The following SANBR variants were observed in gnomAD, a reference collection of about 807,000 sequenced individuals.
SANBR encodes SANT and BTB domain regulator of CSR, also known as SANT and BTB domain regulator of class switch recombination.
Under a neutral mutation model 101.8 loss-of-function variants are expected in SANBR, and 77 were observed. That is an observed-to-expected ratio of 0.76 (90% CI 0.63 to 0.91). The LOEUF (loss-of-function observed/expected upper bound fraction) is 0.91. SANBR is among the 40% of genes least tolerant of loss of function. The pLI, the probability that SANBR is intolerant of heterozygous loss-of-function variation, is 0.00. For synonymous variants in SANBR, 279 were observed against 274.7 expected (o/e 1.02, Z -0.15); for missense variants, 875 against 853.0 (o/e 1.03, Z -0.32).
At chr2:61,118,138 A>T (rs765976338) in intron 20 of SANBR, 22 bp downstream of exon 20, 1 of 1,509,600 alleles carries the variant, frequency 6.6e-7, no homozygotes. Context: ...GTACTAGTGT[A>T]TTGTACTTGT....
At chr2:61,075,368 C>A (rs1043731721) in intron 5 of SANBR, among the ~76,000 whole-genome samples, 13 of 152,102 alleles carry the variant, frequency 8.5e-5, no homozygotes, top group Non-Finnish European at 1.5e-4. Flanking sequence ...GGTGATCCTC[C>A]CACTTGAGCC....
intron 13 of SANBR, among the ~76,000 whole-genome samples, chr2:61,104,626 A>G (rs1375244457): frequency 6.6e-6 from 1 of 152,232 alleles, no homozygotes; most frequent in Non-Finnish European, 1.5e-5. Context: ...CAATCAATGC[A>G]TGATTGATAC....
Position 61,123,866 on chromosome 2 carries a change from C to T in SANBR, c.*1704C>T. 1 of 828,712 alleles carries T rather than the reference C, an allele frequency of 1.2e-6. No individual in the cohort carries two copies. The highest frequency in any genetic ancestry group is 1.8e-5 in the African/African-American group (1 of 54,124). The allele number at this position is 828,712 out of a possible 1,614,324, so 51.3% of individuals were successfully genotyped here. Reference sequence around the variant, plus strand: ...CAGCACTTTGGGAGGCCGAGGCGGGCAGATCACCTGAGGTCAGGAGTTTGA... The same window carrying T: ...CAGCACTTTGGGAGGCCGAGGCGGGTAGATCACCTGAGGTCAGGAGTTTGA... On this transcript the variant is annotated 3_prime_UTR_variant, in exon 22 of 22. Transcript: ENST00000402291.
chr2:61,087,780 G>A (rs2104890259), intron 8 of SANBR, among the ~76,000 whole-genome samples: 1 of 152,100 alleles, frequency 6.6e-6, no homozygotes, highest in South Asian at 2.1e-4. Context: ...GAACCCGGAA[G>A]GCAGAGGTTG....
At chr2:61,109,932 C>T (rs894349335) in intron 16 of SANBR, among the ~76,000 whole-genome samples, 5 of 151,890 alleles carry the variant, frequency 3.3e-5, no homozygotes, top group Non-Finnish European at 7.4e-5. Context: ...GGATTACAGG[C>T]GTGAGCCACT....
chr2:61,080,860 CAG>C (rs1163945681), intron 6 of SANBR, among the ~76,000 whole-genome samples: 7 of 152,130 alleles, frequency 4.6e-5, no homozygotes, highest in South Asian at 4.1e-4. Flanking sequence ...TGATGCAAAA[CAG>C]AGTTTTCTTT....
At chr2:61,137,532 T>C (rs147019126) in exon 22 of SANBR, 13 of 152,402 alleles carry the variant, frequency 8.5e-5, no homozygotes, top group Admixed American at 1.3e-4. Flanking sequence ...ATTAAGGTGA[T>C]TTCAGAGTTG....
At chr2:61,117,576 T>A in intron 19 of SANBR, 36 bp downstream of exon 19, 1 of 1,493,302 alleles carries the variant, frequency 6.7e-7, no homozygotes, top group Non-Finnish European at 9.3e-7. Flanking sequence ...ACAAATTGGA[T>A]GTAAATAGCA....
intron 20 of SANBR, among the ~76,000 whole-genome samples, chr2:61,132,646 T>C (rs1325764779): frequency 6.6e-6 from 1 of 152,192 alleles, no homozygotes; most frequent in Non-Finnish European, 1.5e-5. Context: ...AGTTACCATA[T>C]GACCCAGATA....
downstream of SANBR, among the ~76,000 whole-genome samples, chr2:61,128,760 C>T (rs1345335380): frequency 6.6e-6 from 1 of 152,122 alleles, no homozygotes; most frequent in Non-Finnish European, 1.5e-5. Context: ...CCCCAGAGTG[C>T]TGAGATTACT....
chr2:61,074,282 T>C (rs776611917), intron 5 of SANBR, among the ~76,000 whole-genome samples: 18 of 152,272 alleles, frequency 1.2e-4, no homozygotes, highest in Admixed American at 2.6e-4. Context: ...AGTGTGAATA[T>C]ACTTAATGCC....
rs888032245 is a variant in SANBR, at chr2:61,122,481, G to A, written c.*319G>A. On this transcript the variant is annotated 3_prime_UTR_variant, in exon 22 of 22. Coordinates refer to ENST00000402291, the MANE Select transcript of SANBR (RefSeq NM_001129993.3). ...GAAAAAGAAAGGCCTAAACTGTCAGGTAGCCAAGTTTTTTTAAGACCTTAA... is the reference window on the plus strand; with the variant it reads ...GAAAAAGAAAGGCCTAAACTGTCAGATAGCCAAGTTTTTTTAAGACCTTAA... The A allele has an allele frequency of 1.7e-5, 18 of 1,054,304 alleles. No individual in the cohort carries two copies. The highest frequency in any genetic ancestry group is 1.7e-5 in the Non-Finnish European group (15 of 875,644). The allele number at this position is 1,054,304 out of a possible 1,614,324, so 65.3% of individuals were successfully genotyped here. A position where few individuals can be genotyped will look rare whatever the true frequency, so the allele number is the denominator to read the frequency against.
chr2:61,066,322 C>T (rs1681156889), intron 1 of SANBR: 1 of 153,064 alleles, frequency 6.5e-6, no homozygotes, highest in South Asian at 2.1e-4. Context: ...GGGCCTCTGC[C>T]CCGCCTCGCT....
chr2:61,077,158 G>C lies in SANBR; in HGVS notation c.670G>C (p.Glu224Gln). 6.3e-7 allele frequency: 1 copy of C among 1,576,278 alleles called. No individual in the cohort carries two copies. Among genetic ancestry groups the C allele is most frequent in the Non-Finnish European group, 8.7e-7 (1 of 1,147,922 alleles). ...TAAAGATTGTGAGATGCCCACTTTA[G>C]GTAAAAAACAATCTGTTGCTTAATT... ...ENKDCEMPTLEPGNVISILIS... is the reference protein window; with the variant it reads ...ENKDCEMPTLQPGNVISILIS... The change falls in exon 6 of 22, where the codon GAG becomes CAG. Residue 224 changes from glutamate (E) to glutamine (Q), a missense_variant and splice_region_variant. Physicochemically the swap from Glu to Gln is conservative, Grantham distance 29 (BLOSUM62 2). Coordinates refer to ENST00000402291, the MANE Select transcript of SANBR (RefSeq NM_001129993.3).
At position 61,106,573 on chromosome 2, in the gene SANBR, G is replaced by A; in HGVS notation, c.1522G>A (p.Val508Ile). ...FSKDTVSDVGVGLCDEKGIEC... is the reference protein window; with the variant it reads ...FSKDTVSDVGIGLCDEKGIEC... ...TCTTTTTCTTTCAAGTGATGTTGGG[G>A]TTGGCCTCTGTGATGAAAAGGGTAT... The change falls in exon 14 of 22, where the codon GTT becomes ATT. Residue 508 changes from valine to isoleucine, a missense_variant. By Grantham distance (29) the Val-to-Ile change is conservative. Coordinates refer to ENST00000402291, the MANE Select transcript of SANBR (RefSeq NM_001129993.3). The A allele has an allele frequency of 6.3e-7, 1 of 1,595,788 alleles. No individual in the cohort carries two copies. The highest frequency in any genetic ancestry group is 8.5e-7 in the Non-Finnish European group (1 of 1,173,356).
chr2:61,103,418 C>A (rs887149818), intron 12 of SANBR, among the ~76,000 whole-genome samples: 1 of 152,146 alleles, frequency 6.6e-6, no homozygotes, highest in Admixed American at 6.5e-5. Flanking sequence ...GGATTATAGG[C>A]TTGAGCCACC....
At chr2:61,087,891 A>C (rs1050799317) in intron 8 of SANBR, among the ~76,000 whole-genome samples, 1 of 151,826 alleles carries the variant, frequency 6.6e-6, no homozygotes, top group African/African-American at 2.4e-5. Context: ...TTTAAAAATG[A>C]CTGAAAGATA....
intron 12 of SANBR, among the ~76,000 whole-genome samples, chr2:61,099,243 A>G (rs976176777): frequency 6.6e-6 from 1 of 152,198 alleles, no homozygotes; most frequent in Non-Finnish European, 1.5e-5. Context: ...GGAAAATATC[A>G]TTTGCAGTGT....
Position 61,082,559 on chromosome 2 carries a change from C to T in SANBR, c.730-595C>T, listed in dbSNP as rs547832540. Among the ~76,000 whole-genome samples the T allele has an allele frequency of 9.2e-5, 14 of 152,304 alleles. 1 individual carries two copies. The highest frequency in any genetic ancestry group is 8.5e-4 in the Admixed American group (13 of 15,298). On this transcript the variant is annotated intron_variant, in intron 7 of 21. Coordinates refer to ENST00000402291, the MANE Select transcript of SANBR (RefSeq NM_001129993.3). ...GTTACAGACCAGGCGCGGTGGCTCA[C>T]GCCTGTAATCCTAGCACTTGGGAGG...
Sources: gnomAD v4.1 joint callset for allele counts (sites outside exome capture counted in the v4.1 genomes callset) on GRCh38, gnomAD v4.1.1 for gene constraint, MANE v1.5 for transcripts, NCBI Gene and HGNC (gene_info 2026-07-23, HGNC 2026-07-21) for gene names.